The following IKZF2 variants were observed in gnomAD, a reference collection of about 807,000 sequenced individuals.
The protein encoded by IKZF2 is IKAROS family zinc finger 2.
A neutral mutation model predicts 49.2 loss-of-function variants in IKZF2; 15 were observed. The observed-to-expected ratio is 0.30, with a 90% CI of 0.20 to 0.47. The LOEUF is 0.47. Ranked by LOEUF, IKZF2 falls within the 20% of genes least tolerant of loss-of-function variation. The pLI is 1.00. For missense variants in IKZF2, 567 were observed against 664.6 expected (o/e 0.85, Z 1.61); for synonymous variants, 227 against 221.4 (o/e 1.03, Z -0.23).
chr2:213,099,085 C>G (rs955584440), intron 4 of IKZF2, among the ~76,000 whole-genome samples: 1 of 152,046 alleles, frequency 6.6e-6, no homozygotes, highest in Non-Finnish European at 1.5e-5. Context: ...TAAATATTAG[C>G]TAGTTGATTT....
At chr2:213,014,548 T>C (rs980769896) in intron 7 of IKZF2, 10 of 152,082 alleles carry the variant, frequency 6.6e-5, no homozygotes, top group African/African-American at 2.4e-4. Flanking sequence ...GTAATTTATT[T>C]TAAAAAGAGC....
At chr2:213,094,104 G>A (rs1705676277) in intron 4 of IKZF2, among the ~76,000 whole-genome samples, 1 of 152,108 alleles carries the variant, frequency 6.6e-6, no homozygotes, top group Admixed American at 6.6e-5. Flanking sequence ...AGGTAAACCT[G>A]AGTTCATCTG....
intron 4 of IKZF2, among the ~76,000 whole-genome samples, chr2:213,066,139 C>A (rs1035426156): frequency 2.0e-5 from 3 of 152,058 alleles, no homozygotes; most frequent in African/African-American, 7.2e-5. Context: ...AAGAGCAGTA[C>A]AAAATTCTTA....
chr2:213,150,484 C>CTCG (rs2061246957), intron 1 of IKZF2: 3 of 240,026 alleles, frequency 1.2e-5, no homozygotes, highest in South Asian at 4.6e-5. Context: ...CCTCGTCCTC[C>CTCG]TCCTCCTCCT....
At chr2:213,079,038 T>G (rs1703595312) in intron 4 of IKZF2, among the ~76,000 whole-genome samples, 1 of 152,196 alleles carries the variant, frequency 6.6e-6, no homozygotes, top group Non-Finnish European at 1.5e-5. Flanking sequence ...CTATTGTTGT[T>G]GCTGTCTAAT....
At chr2:213,073,948 T>C (rs992518032) in intron 4 of IKZF2, among the ~76,000 whole-genome samples, 3 of 152,216 alleles carry the variant, frequency 2.0e-5, no homozygotes, top group African/African-American at 7.2e-5. Context: ...TATAATCATA[T>C]TTCCCTGGTC....
At chr2:213,127,589 T>A (rs531769826) in intron 4 of IKZF2, among the ~76,000 whole-genome samples, 71 of 152,342 alleles carry the variant, frequency 4.7e-4, no homozygotes, top group African/African-American at 1.6e-3. Context: ...GTAGTATAGA[T>A]AACACCACTT....
intron 4 of IKZF2, among the ~76,000 whole-genome samples, chr2:213,105,135 CT>C (rs747207729): frequency 2.1e-4 from 32 of 152,086 alleles, no homozygotes; most frequent in Non-Finnish European, 2.6e-4. Flanking sequence ...GCTTTGACTG[CT>C]TCTTTCAATT....
intron 1 of IKZF2, among the ~76,000 whole-genome samples, chr2:213,151,119 G>A (rs1043749273): frequency 1.3e-4 from 19 of 151,798 alleles, no homozygotes; most frequent in African/African-American, 4.4e-4. Context: ...TTAAGGCAGA[G>A]GACATCATCT....
In IKZF2 at chr2:213,022,056, G is replaced by A. The variant is rs767182214; in HGVS notation, c.649C>T (p.Arg217Cys). ...ACATTCTGGAGATAGTTGTGGCAGC[G>A]TTCCTTGTGCTCCTCCAGTGAACTG... is the stretch of plus-strand genomic sequence containing the variant. Reference protein sequence around the residue: ...QRSSLEEHKERCHNYLQNVSM... With the variant: ...QRSSLEEHKECCHNYLQNVSM... The change falls in exon 7 of 9, where the codon CGC (arginine) becomes TGC (cysteine). Residue 217 changes from arginine to cysteine, a missense_variant. Arg to Cys is a radical substitution (Grantham distance 180). Around this residue, in one of 5 missense-constraint regions of IKZF2, gnomAD observed 310 missense variants for 326.9 expected, o/e 0.95. Transcript: ENST00000434687. 7 of 1,613,814 alleles carry A rather than the reference G, an allele frequency of 4.3e-6. No homozygotes were observed. Among genetic ancestry groups the A allele is most frequent in the East Asian group, 2.2e-5 (1 of 44,876 alleles).
chr2:213,015,263 T>C (rs912316405), intron 7 of IKZF2: 1 of 152,024 alleles, frequency 6.6e-6, no homozygotes, highest in Non-Finnish European at 1.5e-5. Context: ...GTCAAAAAAA[T>C]TGAATTGTAA....
intron 4 of IKZF2, among the ~76,000 whole-genome samples, chr2:213,143,941 A>T (rs1266597831): frequency 6.6e-6 from 1 of 151,958 alleles, no homozygotes; most frequent in Admixed American, 6.6e-5. Context: ...CTAACCCACA[A>T]GGTAATATCA....
chr2:213,100,372 TGATA>T (rs1270628367), intron 4 of IKZF2, among the ~76,000 whole-genome samples: 2 of 152,014 alleles, frequency 1.3e-5, no homozygotes, highest in Non-Finnish European at 2.9e-5. Flanking sequence ...ATTTTAAGAA[TGATA>T]GATATTGACT....
chr2:213,097,572 G>GT (rs1325991109), intron 4 of IKZF2, among the ~76,000 whole-genome samples: 20 of 152,058 alleles, frequency 1.3e-4, no homozygotes, highest in Admixed American at 2.6e-4. Context: ...TTTAAGATCA[G>GT]TCATACCCTT....
chr2:213,119,003 A>G (rs1269024171), intron 4 of IKZF2, among the ~76,000 whole-genome samples: 1 of 152,220 alleles, frequency 6.6e-6, no homozygotes, highest in Non-Finnish European at 1.5e-5. Context: ...CAAAAACCTT[A>G]GCTTGAATTC....
intron 4 of IKZF2, among the ~76,000 whole-genome samples, chr2:213,097,147 T>C (rs893699960): frequency 4.9e-4 from 75 of 152,078 alleles, no homozygotes; most frequent in African/African-American, 1.7e-3. Context: ...TTTAATGAGA[T>C]AATTAATTAG....
intron 4 of IKZF2, among the ~76,000 whole-genome samples, chr2:213,107,059 C>T (rs11687306): frequency 6.6e-6 from 1 of 152,082 alleles, no homozygotes; most frequent in East Asian, 1.9e-4. Context: ...TAGAAGGACA[C>T]GGTAAGGAGA....
chr2:213,081,663 C>T (rs954123550), intron 4 of IKZF2, among the ~76,000 whole-genome samples: 2 of 152,150 alleles, frequency 1.3e-5, no homozygotes, highest in African/African-American at 4.8e-5. Context: ...GGGGGAATAA[C>T]ATGTGCGAAT....
chr2:213,052,512 C>A (rs1046145596), intron 5 of IKZF2, among the ~76,000 whole-genome samples: 4 of 151,960 alleles, frequency 2.6e-5, no homozygotes, highest in Non-Finnish European at 4.4e-5. Flanking sequence ...ATTTGCCTAA[C>A]TCCTGTTGAT....
Sources: gnomAD v4.1 joint callset for allele counts (sites outside exome capture counted in the v4.1 genomes callset) on GRCh38, gnomAD v4.1.1 for gene constraint, gnomAD v4.1.1 regional missense constraint, MANE v1.5 for transcripts, NCBI Gene and HGNC (gene_info 2026-07-23, HGNC 2026-07-21) for gene names.